The following LRRC37B variants were observed in gnomAD, a reference collection of about 807,000 sequenced individuals.
The protein encoded by LRRC37B is leucine rich repeat containing 37B, also known as leucine-rich repeat-containing protein 37B.
LRRC37B carries 28 observed loss-of-function variants against 98.3 expected under a neutral mutation model. That is an observed-to-expected ratio of 0.28 (90% CI 0.21 to 0.39). The LOEUF (loss-of-function observed/expected upper bound fraction) is 0.39, where lower values mean the gene tolerates loss of function less well. Ranked by LOEUF, LRRC37B falls within the 10% of genes least tolerant of loss-of-function variation. LRRC37B has a pLI of 1.00. For synonymous variants in LRRC37B, 364 were observed against 442.7 expected, an observed-to-expected ratio of 0.82 and a Z score of 2.23; for missense variants, 938 against 1,182.7, an observed-to-expected ratio of 0.79 and a Z score of 3.03.
At chr17:32,007,631 A>G (rs1910438730), upstream of LRRC37B, among the ~76,000 whole-genome samples, 1 of 150,848 alleles carries the variant, frequency 6.6e-6, no homozygotes, top group Non-Finnish European at 1.5e-5. This position sits in a 1 kb window ranked among gnomAD's most constrained non-coding sequence, Gnocchi z 4.1. Context: ...GGGCAGGCCG[A>G]CCAAGCAGCC....
chr17:32,021,507 T>G (rs1293973235), exon 1 of LRRC37B: 1 of 1,614,062 alleles, frequency 6.2e-7, no homozygotes, highest in South Asian at 1.1e-5. Flanking sequence ...ACATCAGGAC[T>G]TAAATGACAA....
chr17:32,022,886 G>C, intron 1 of LRRC37B, 61 bp downstream of exon 4: 1 of 1,543,460 alleles, frequency 6.5e-7, no homozygotes, highest in Non-Finnish European at 8.9e-7. Context: ...GCCTTTTCCT[G>C]GAGGCCTTCC....
chr17:32,034,501 C>T (rs1911188009), intron 5 of LRRC37B, among the ~76,000 whole-genome samples: 1 of 127,464 alleles, frequency 7.8e-6, no homozygotes, highest in Non-Finnish European at 1.6e-5. Flanking sequence ...AAGACTCCAT[C>T]TCCAAAAAAA....
chr17:32,013,488 G>C (rs1401674961), intron 1 of LRRC37B, among the ~76,000 whole-genome samples: 1 of 151,794 alleles, frequency 6.6e-6, no homozygotes, highest in African/African-American at 2.4e-5. Context: ...GGTTTCTTCT[G>C]TTTCTTTTTT....
Position 32,049,405 on chromosome 17 carries a change from C to T in LRRC37B, c.2757+11C>T. 1 of 1,603,430 alleles carries T rather than the reference C, an allele frequency of 6.2e-7. No individual in the cohort carries two copies. Among genetic ancestry groups the T allele is most frequent in the Non-Finnish European group, 8.5e-7 (1 of 1,173,060 alleles). On this transcript the variant is annotated intron_variant, in intron 10 of 11. Transcript: ENST00000327564. Reference sequence around the variant, plus strand: ...CAGAAGTCAAGTGAGGTGAGGACCACACAGAAACATGAGACCCAGATTTCC... The same window carrying T: ...CAGAAGTCAAGTGAGGTGAGGACCATACAGAAACATGAGACCCAGATTTCC...
chr17:32,026,910 G>T (rs1910971045), intron 2 of LRRC37B, among the ~76,000 whole-genome samples: 1 of 152,158 alleles, frequency 6.6e-6, no homozygotes, highest in Non-Finnish European at 1.5e-5. Flanking sequence ...TGAATATTTG[G>T]CCAGGTGAGG....
intron 11 of LRRC37B, chr17:32,051,626 GGGAGGTCGA>G (rs1237878568): frequency 6.6e-6 from 1 of 152,244 alleles, no homozygotes; most frequent in Non-Finnish European, 1.5e-5. Flanking sequence ...GCTTGAGCCT[GGGAGGTCGA>G]GGATGCAGTG....
At chr17:32,011,386 ATGAGGTCTCACTATATTGCCCAGGC>A (rs1164221483) in intron 1 of LRRC37B, among the ~76,000 whole-genome samples, 19 of 151,994 alleles carry the variant, frequency 1.3e-4, no homozygotes, top group African/African-American at 3.9e-4. Context: ...TCAAATAGAG[ATGAGGTCTCACTATATTGCCCAGGC>A]TGGTCTTGAA....
At chr17:32,010,594 G>C (rs1212390686) in intron 1 of LRRC37B, among the ~76,000 whole-genome samples, 1 of 152,124 alleles carries the variant, frequency 6.6e-6, no homozygotes, top group African/African-American at 2.4e-5. Context: ...ATCAAATCAG[G>C]TTAATTAGGG....
upstream of LRRC37B, chr17:32,017,917 A>C (rs1385402642): frequency 2.3e-5 from 4 of 176,918 alleles, no homozygotes; most frequent in Non-Finnish European, 2.5e-5. Context: ...CATTATATTC[A>C]GGAAGTTTTA....
At chr17:32,030,167 A>T (rs1281594932) in intron 3 of LRRC37B, among the ~76,000 whole-genome samples, 1 of 152,118 alleles carries the variant, frequency 6.6e-6, no homozygotes, top group African/African-American at 2.4e-5. Context: ...TATTAATATG[A>T]TTTGAATATT....
chr17:32,024,544 A>G, intron 1 of LRRC37B, 167 bp from the exon 5 acceptor site: 1 of 1,129,408 alleles, frequency 8.9e-7, no homozygotes. Flanking sequence ...GCCCCGCATT[A>G]TTTCTTGATG....
upstream of LRRC37B, among the ~76,000 whole-genome samples, chr17:32,017,666 G>A (rs1910675388): frequency 6.6e-6 from 1 of 152,032 alleles, no homozygotes; most frequent in African/African-American, 2.4e-5. Context: ...CGGGCAGAGG[G>A]GAGTAGTCCC....
chr17:32,048,866 G>C (rs1368030406), intron 9 of LRRC37B: 18 of 1,536,052 alleles, frequency 1.2e-5, no homozygotes, highest in Non-Finnish European at 1.5e-5. Context: ...ACGTTTTATA[G>C]AAAACACTAG....
At chr17:32,026,532 G>T (rs1412941297) in intron 2 of LRRC37B, among the ~76,000 whole-genome samples, 2 of 152,172 alleles carry the variant, frequency 1.3e-5, no homozygotes, top group Non-Finnish European at 2.9e-5. Context: ...GGGTTCAAGG[G>T]ATTCTCCTGC....
chr17:32,018,299 C>T (rs1324820296), upstream of LRRC37B, among the ~76,000 whole-genome samples: 1 of 152,116 alleles, frequency 6.6e-6, no homozygotes, highest in Admixed American at 6.5e-5. Context: ...TGCACTCCAG[C>T]CTGGGCGACA....
intron 7 of LRRC37B, chr17:32,040,715 G>T: frequency 1.3e-6 from 1 of 786,656 alleles, no homozygotes; most frequent in Non-Finnish European, 2.3e-6. Flanking sequence ...GCGAGTGCCT[G>T]ATCCGCCACC....
intron 1 of LRRC37B, among the ~76,000 whole-genome samples, chr17:32,010,967 C>A (rs1196604003): frequency 2.0e-5 from 3 of 152,016 alleles, no homozygotes; most frequent in Admixed American, 2.0e-4. Context: ...TTTTATTTTC[C>A]AAACCTCTAG....
intron 1 of LRRC37B, 39 bp downstream of exon 4, chr17:32,022,864 C>A (rs779058435): frequency 2.5e-6 from 4 of 1,582,832 alleles, no homozygotes; most frequent in Non-Finnish European, 3.5e-6. Flanking sequence ...CTGTGTCTTG[C>A]CTGACATGGC....
Sources: allele counts gnomAD v4.1 joint callset (sites outside exome capture counted in the v4.1 genomes callset), GRCh38; gene constraint gnomAD v4.1.1; non-coding constraint Gnocchi (gnomAD v3.1); transcripts MANE v1.5; gene names NCBI Gene and HGNC (gene_info 2026-07-23, HGNC 2026-07-21).